Variants in SLX4IP observed in about 807,000 individuals in gnomAD.
SLX4IP encodes the protein SLX4 interacting protein.
SLX4IP carries 34 observed loss-of-function variants against 32.9 expected under a neutral mutation model. The observed-to-expected ratio is 1.03, with a 90% CI of 0.79 to 1.38. The LOEUF is 1.38. Among genes scored for constraint, SLX4IP ranks in the 40% most tolerant of loss-of-function variants. SLX4IP has a pLI of 0.00. For missense variants in SLX4IP, 444 were observed against 479.0 expected, an observed-to-expected ratio of 0.93 and a Z score of 0.68; for synonymous variants, 172 against 171.7, an observed-to-expected ratio of 1.00 and a Z score of -0.01.
chr20:10,562,138 AGGCGGGTTGCGTTAATCTACTCGAT>A (rs1314601050), intron 4 of SLX4IP, among the ~76,000 whole-genome samples: 4 of 152,184 alleles, frequency 2.6e-5, no homozygotes, highest in African/African-American at 9.7e-5. Flanking sequence ...AGCCGTCTGC[AGGCGGGTTGCGTTAATCTACTCGAT>A]TAGGCCCTCT....
In SLX4IP at chr20:10,487,978, T is replaced by A. The variant is rs558850017; in HGVS notation, c.27+29747T>A. Among the ~76,000 whole-genome samples, 155 of 152,256 alleles carry A rather than the reference T, an allele frequency of 1.0e-3. 1 individual carries two copies. Among genetic ancestry groups the A allele is most frequent in the Admixed American group, 3.7e-3 (57 of 15,284 alleles). ...GATATCAGTTTTTTGTGGGCGGAAGTCATTTCTGACTTTGTAAGTAGGACC... is the reference window on the plus strand; with the variant it reads ...GATATCAGTTTTTTGTGGGCGGAAGACATTTCTGACTTTGTAAGTAGGACC... On this transcript the variant is annotated intron_variant, in intron 2 of 7. Coordinates refer to ENST00000334534, the MANE Select transcript of SLX4IP (RefSeq NM_001009608.3).
chr20:10,537,326 G>T (rs938376783), intron 2 of SLX4IP, among the ~76,000 whole-genome samples: 1 of 152,040 alleles, frequency 6.6e-6, no homozygotes, highest in Admixed American at 6.6e-5. Context: ...ACCAATCTTT[G>T]GTTGGCACCT....
intron 2 of SLX4IP, among the ~76,000 whole-genome samples, chr20:10,480,211 G>A (rs183318754): frequency 1.6e-3 from 247 of 150,786 alleles, no homozygotes; most frequent in African/African-American, 5.9e-3. Flanking sequence ...TGGGCAACAC[G>A]GTGAAATCCT....
intron 2 of SLX4IP, among the ~76,000 whole-genome samples, chr20:10,528,305 T>C (rs183851332): frequency 1.5e-4 from 23 of 152,312 alleles, no homozygotes; most frequent in African/African-American, 5.5e-4. Flanking sequence ...CTTCTGTGGG[T>C]CCATTTATCA....
chr20:10,479,143 T>C (rs996917027), intron 2 of SLX4IP, among the ~76,000 whole-genome samples: 1 of 152,080 alleles, frequency 6.6e-6, no homozygotes, highest in Non-Finnish European at 1.5e-5. Flanking sequence ...TAGAGGCAAG[T>C]AGTGACTCTG....
At chr20:10,563,915 G>A (rs2066359591) in intron 4 of SLX4IP, among the ~76,000 whole-genome samples, 1 of 152,182 alleles carries the variant, frequency 6.6e-6, no homozygotes, top group Non-Finnish European at 1.5e-5. Flanking sequence ...ACAAATTATA[G>A]TGTTACTTTC....
intron 4 of SLX4IP, among the ~76,000 whole-genome samples, chr20:10,589,469 C>T (rs895644948): frequency 3.3e-5 from 5 of 152,042 alleles, no homozygotes; most frequent in Non-Finnish European, 7.4e-5. Context: ...AATTGCCCTA[C>T]TAGATTAAGA....
chr20:10,595,021 T>C (rs1352986674), intron 4 of SLX4IP, among the ~76,000 whole-genome samples: 1 of 152,130 alleles, frequency 6.6e-6, no homozygotes, highest in African/African-American at 2.4e-5. Flanking sequence ...TGTAGAAGGA[T>C]AAGGAGAAGT....
Position 10,473,394 on chromosome 20 carries a change from T to C in SLX4IP, c.27+15163T>C, listed in dbSNP as rs1296589384. On this transcript the variant is annotated intron_variant, in intron 2 of 7. Transcript: ENST00000334534. ...CACAGTCATTGCAGTGATTTTATTGTACTGGTTATTGAGAGGGTTAAATAA... is the reference window on the plus strand; with the variant it reads ...CACAGTCATTGCAGTGATTTTATTGCACTGGTTATTGAGAGGGTTAAATAA... 5.9e-5 allele frequency among the ~76,000 whole-genome samples: 9 copies of C among 152,230 alleles called. No individual in the cohort carries two copies. The East Asian group carries it at 1.2e-3, about 20-fold the overall frequency.
chr20:10,559,326 C>G (rs189615510), intron 3 of SLX4IP, among the ~76,000 whole-genome samples: 219 of 152,224 alleles, frequency 1.4e-3, no homozygotes, highest in African/African-American at 5.1e-3. Flanking sequence ...CAAGGGTTTT[C>G]TATATTGTTT....
chr20:10,527,885 C>T (rs1213151587), intron 2 of SLX4IP, among the ~76,000 whole-genome samples: 1 of 152,146 alleles, frequency 6.6e-6, no homozygotes, highest in East Asian at 1.9e-4. Context: ...TTTTCATTTG[C>T]ATTCCATCCT....
chr20:10,435,973 A>G (rs968397360), intron 1 of SLX4IP, among the ~76,000 whole-genome samples: 2 of 152,176 alleles, frequency 1.3e-5, no homozygotes, highest in African/African-American at 2.4e-5. Context: ...AAATAACAGT[A>G]TTTTATGGTT....
chr20:10,501,002 C>CATAA (rs1299322473), intron 2 of SLX4IP, among the ~76,000 whole-genome samples: 6 of 152,130 alleles, frequency 3.9e-5, no homozygotes, highest in African/African-American at 1.4e-4. Context: ...CCAGTGTTTT[C>CATAA]ATGTGTTCAT....
chr20:10,622,574 G>A, intron 7 of SLX4IP, 85 bp from the exon 8 acceptor site: 2 of 1,509,056 alleles, frequency 1.3e-6, no homozygotes, highest in Non-Finnish European at 1.8e-6. Context: ...CCTTTTTCAG[G>A]TGTAGGAAAT....
At chr20:10,472,631 C>T (rs2065435223) in intron 2 of SLX4IP, among the ~76,000 whole-genome samples, 1 of 152,180 alleles carries the variant, frequency 6.6e-6, no homozygotes, top group Non-Finnish European at 1.5e-5. Flanking sequence ...GAACCAGGGC[C>T]TTAAGATTGA....
intron 2 of SLX4IP, among the ~76,000 whole-genome samples, chr20:10,498,294 A>G (rs1467428075): frequency 2.0e-5 from 3 of 151,868 alleles, no homozygotes; most frequent in Non-Finnish European, 4.4e-5. Flanking sequence ...GCTTCCTATC[A>G]TGCCAGTGCC....
chr20:10,552,205 T>C (rs895480488), intron 2 of SLX4IP, among the ~76,000 whole-genome samples: 1 of 152,138 alleles, frequency 6.6e-6, no homozygotes, highest in African/African-American at 2.4e-5. Context: ...AGCAGCCTGA[T>C]GGTTGCTCAA....
chr20:10,497,578 C>T (rs1002494777), intron 2 of SLX4IP, among the ~76,000 whole-genome samples: 10 of 152,098 alleles, frequency 6.6e-5, no homozygotes, highest in African/African-American at 2.2e-4. Flanking sequence ...TTGTGTTTAT[C>T]ATTTTTTCAT....
chr20:10,595,204 G>A (rs542711911), intron 4 of SLX4IP, among the ~76,000 whole-genome samples: 52 of 152,070 alleles, frequency 3.4e-4, no homozygotes, highest in African/African-American at 1.0e-3. Flanking sequence ...ACCTGCAGAC[G>A]CCTGGTGGTA....
Sources: gnomAD v4.1 joint callset for allele counts (sites outside exome capture counted in the v4.1 genomes callset) on GRCh38, gnomAD v4.1.1 for gene constraint, MANE v1.5 for transcripts, NCBI Gene and HGNC (gene_info 2026-07-23, HGNC 2026-07-21) for gene names.